Variants in MAST4 observed in about 807,000 individuals in gnomAD.
MAST4 encodes microtubule-associated serine/threonine-protein kinase 4.
Under a neutral mutation model 162.7 loss-of-function variants are expected in MAST4, and 89 were observed. That is an observed-to-expected ratio of 0.55 (90% CI 0.46 to 0.65). The LOEUF is 0.65. Among genes scored for constraint, MAST4 ranks in the 30% least tolerant of loss-of-function variants. MAST4 has a pLI of 0.00. For synonymous variants in MAST4, 1,479 were observed against 1,361.1 expected (o/e 1.09, Z -1.91); for missense variants, 3,153 against 3,374.0 (o/e 0.93, Z 1.62).
intron 24 of MAST4, 57 bp downstream of exon 24, chr5:67,149,646 C>A (rs1274475645): frequency 1.3e-6 from 2 of 1,532,760 alleles, no homozygotes; most frequent in East Asian, 2.3e-5. Flanking sequence ...TCCCATCCCT[C>A]CTCTCCCAAT....
chr5:66,919,099 A>AAC (rs56340246), intron 4 of MAST4, among the ~76,000 whole-genome samples: 18,485 of 142,136 alleles, frequency 0.13, 1,352 homozygotes, highest in East Asian at 0.3. Context: ...CGAGACTCTC[A>AAC]ACACACACAC....
chr5:66,896,455 G>C (rs760648086), intron 3 of MAST4, among the ~76,000 whole-genome samples: 14 of 152,138 alleles, frequency 9.2e-5, no homozygotes, highest in Non-Finnish European at 1.9e-4. Context: ...TTGGAAGTGA[G>C]TCACTAGGTC....
Position 67,163,528 on chromosome 5 carries a change from T to C in MAST4, c.4349T>C (p.Leu1450Pro). 1 of 1,606,764 alleles carries C rather than the reference T, an allele frequency of 6.2e-7. No individual in the cohort carries two copies. ...LLKRVQSEEK[L>P]SPSYGSDKKH... ...AAGCGCGTGCAGTCCGAGGAGAAGC[T>C]GTCGCCCTCTTACGGCAGTGACAAG... is the stretch of plus-strand genomic sequence containing the variant. The change falls in exon 29 of 29, where the codon CTG becomes CCG. Residue 1450 changes from leucine (L) to proline (P), a missense_variant. Transcript: ENST00000403625. This position sits in a 1 kb window ranked among gnomAD's most constrained non-coding sequence, Gnocchi z 7.0.
intron 2 of MAST4, among the ~76,000 whole-genome samples, chr5:66,761,623 G>C (rs1753854760): frequency 6.6e-6 from 1 of 151,384 alleles, no homozygotes; most frequent in South Asian, 2.1e-4. Context: ...TCTGGGAACA[G>C]AAGTGCTACT....
chr5:67,102,648 G>T, intron 9 of MAST4, 37 bp downstream of exon 9: 1 of 1,503,448 alleles, frequency 6.7e-7, no homozygotes, highest in South Asian at 1.1e-5. Context: ...GCATCTAAAC[G>T]AACAGGCACC....
Position 67,166,744 on chromosome 5 carries a change from C to T in MAST4, c.7565C>T (p.Pro2522Leu). The T allele has an allele frequency of 6.3e-6, 10 of 1,592,944 alleles. No individual in the cohort carries two copies. The highest frequency in any genetic ancestry group is 8.5e-6 in the Non-Finnish European group (10 of 1,170,160). ...CACATGACAAAGAGTGACTCCCTGCCCTCCTTCCGGGTCTCCACCCTGCCT... is the reference window on the plus strand; with the variant it reads ...CACATGACAAAGAGTGACTCCCTGCTCTCCTTCCGGGTCTCCACCCTGCCT... ...RTHMTKSDSL[P>L]SFRVSTLPLE... The change falls in exon 29 of 29, where the codon CCC (proline) becomes CTC (leucine). Residue 2522 changes from proline to leucine, a missense_variant. By Grantham distance (98) the Pro-to-Leu change is moderately conservative (BLOSUM62 -3). Coordinates refer to ENST00000403625, the MANE Select transcript of MAST4 (RefSeq NM_001164664.2).
chr5:66,875,769 A>C (rs2149887841), intron 3 of MAST4, among the ~76,000 whole-genome samples: 1 of 152,256 alleles, frequency 6.6e-6, no homozygotes, highest in East Asian at 1.9e-4. Flanking sequence ...TTTATTAAAA[A>C]ATAATTTTAG....
chr5:67,127,784 T>A (rs1191900812), intron 14 of MAST4, among the ~76,000 whole-genome samples: 1 of 152,204 alleles, frequency 6.6e-6, no homozygotes, highest in Non-Finnish European at 1.5e-5. Context: ...ACTAAAAGCC[T>A]TTAATCTGAT....
intron 1 of MAST4, among the ~76,000 whole-genome samples, chr5:66,621,446 T>A (rs1744070682): frequency 6.6e-6 from 1 of 152,252 alleles, no homozygotes; most frequent in African/African-American, 2.4e-5. Flanking sequence ...TATTCTACTT[T>A]GCATCTTAGT....
intron 3 of MAST4, among the ~76,000 whole-genome samples, chr5:66,797,673 C>T (rs1197353132): frequency 6.6e-6 from 1 of 152,106 alleles, no homozygotes; most frequent in Non-Finnish European, 1.5e-5. Flanking sequence ...AGTTTGCAGC[C>T]ATGAGAATTC....
In MAST4 at chr5:67,164,808, C is replaced by T. The variant is rs765407636; in HGVS notation, c.5629C>T (p.Leu1877=). 10 of 1,613,888 alleles carry T rather than the reference C, an allele frequency of 6.2e-6. No homozygotes were observed. The highest frequency in any genetic ancestry group is 1.1e-5 in the South Asian group (1 of 91,090). Residue 1877 remains leucine (L), a synonymous_variant, in exon 29 of 29, where the codon CTG becomes TTG. Transcript: ENST00000403625. This position sits in a 1 kb window ranked among gnomAD's most constrained non-coding sequence, Gnocchi z 5.3. ...NKSYLLEPWF[L]PPSRGLQNSP... is the part of the protein sequence containing the mutation. ...ATCCTACCTGCTGGAGCCTTGGTTC[C>T]TGCCCCCCAGCCGAGGTCTCCAGAA...
At chr5:67,063,551 A>T (rs1390429041) in intron 5 of MAST4, among the ~76,000 whole-genome samples, 1 of 152,094 alleles carries the variant, frequency 6.6e-6, no homozygotes, top group African/African-American at 2.4e-5. Flanking sequence ...CTCCTTTATT[A>T]TAAATTAAAG....
At chr5:66,753,572 A>G (rs912338397) in intron 1 of MAST4, among the ~76,000 whole-genome samples, 25 of 151,820 alleles carry the variant, frequency 1.6e-4, no homozygotes, top group Non-Finnish European at 2.9e-4. Flanking sequence ...AAATTCCTCA[A>G]TGCATACACC....
At chr5:66,864,704 A>G (rs979036823) in intron 3 of MAST4, among the ~76,000 whole-genome samples, 1 of 150,992 alleles carries the variant, frequency 6.6e-6, no homozygotes, top group African/African-American at 2.4e-5. Flanking sequence ...ATGAAGACAC[A>G]AGGAGAAGAC....
chr5:66,670,449 A>G (rs12523479), intron 1 of MAST4, among the ~76,000 whole-genome samples: 19,523 of 152,154 alleles, frequency 0.13, 1,337 homozygotes, highest in Admixed American at 0.16. Context: ...TCCCGAGTTT[A>G]TTATAAATCA....
At chr5:66,959,085 C>A (rs1373010134) in intron 4 of MAST4, 1 of 629,176 alleles carries the variant, frequency 1.6e-6, no homozygotes, top group African/African-American at 1.8e-5. Flanking sequence ...CTCTTGATTA[C>A]GGCTAGAGGT....
In MAST4 at chr5:67,142,462, G is replaced by A. The variant is rs556750935; in HGVS notation, c.2659G>A (p.Asp887Asn). The stretch of plus-strand genomic sequence containing the variant: ...TCATCATATGGAAACGGAGGAAGAA[G>A]ATGACACAAATGATGAAGACTTTAA... Reference protein sequence around the residue: ...KYHHMETEEEDDTNDEDFNVE... With the variant: ...KYHHMETEEENDTNDEDFNVE... The change falls in exon 21 of 29, where the codon GAT (aspartate) becomes AAT (asparagine). Residue 887 changes from aspartate (D) to asparagine (N), a missense_variant. Transcript: ENST00000403625. 8.1e-6 allele frequency: 13 copies of A among 1,601,390 alleles called. No homozygotes were observed. The South Asian group carries it at 1.4e-4, about 17-fold the overall frequency.
At chr5:66,855,739 A>G (rs1759635208) in intron 3 of MAST4, among the ~76,000 whole-genome samples, 2 of 152,198 alleles carry the variant, frequency 1.3e-5, no homozygotes, top group Non-Finnish European at 2.9e-5. Flanking sequence ...ATGCACCACC[A>G]GCTCCTGTGC....
At chr5:66,917,101 C>T in intron 4 of MAST4, 1 of 712,644 alleles carries the variant, frequency 1.4e-6, no homozygotes. Flanking sequence ...TGCCCATTTT[C>T]TACATTCTCA....
Sources: gnomAD v4.1 joint callset for allele counts (sites outside exome capture counted in the v4.1 genomes callset) on GRCh38, gnomAD v4.1.1 for gene constraint, Gnocchi (gnomAD v3.1) non-coding constraint, MANE v1.5 for transcripts, NCBI Gene and HGNC (gene_info 2026-07-23, HGNC 2026-07-21) for gene names.